Variants in DPP10 observed in about 807,000 individuals in gnomAD.
DPP10 encodes dipeptidyl peptidase like 10.
In DPP10, 33 loss-of-function variants were observed where a neutral mutation model predicts 120.9. The ratio of observed to expected loss-of-function variants is 0.27; its 90% CI spans 0.21 to 0.37. The LOEUF is 0.37. Ranked by LOEUF, DPP10 falls within the 10% of genes least tolerant of loss-of-function variation. The pLI, the probability that DPP10 is intolerant of heterozygous loss-of-function variation, is 1.00. For synonymous variants in DPP10, 337 were observed against 326.1 expected (o/e 1.03, Z -0.36); for missense variants, 816 against 942.8 (o/e 0.87, Z 1.76).
chr2:114,450,296 C>G (rs919504110), intron 1 of DPP10, among the ~76,000 whole-genome samples: 3 of 152,088 alleles, frequency 2.0e-5, no homozygotes, highest in Non-Finnish European at 4.4e-5. Context: ...CCTAGTCAGA[C>G]TGTTATGTTC....
chr2:115,067,440 G>T (rs1162096750), intron 1 of DPP10, among the ~76,000 whole-genome samples: 1 of 151,108 alleles, frequency 6.6e-6, no homozygotes, highest in Non-Finnish European at 1.5e-5. Context: ...TTTTGATAGA[G>T]ACGGGGTTTC....
At chr2:114,800,890 C>T (rs1684133334) in intron 1 of DPP10, among the ~76,000 whole-genome samples, 1 of 151,066 alleles carries the variant, frequency 6.6e-6, no homozygotes, top group Non-Finnish European at 1.5e-5. Flanking sequence ...AGAAAAATCT[C>T]AGGGAAATTT....
chr2:115,542,062 T>A (rs1288914543), intron 5 of DPP10, among the ~76,000 whole-genome samples: 1 of 151,946 alleles, frequency 6.6e-6, no homozygotes, highest in East Asian at 1.9e-4. Flanking sequence ...CATAACATAA[T>A]TCATACAATT....
At chr2:115,354,341 C>T (rs1212034707) in intron 3 of DPP10, among the ~76,000 whole-genome samples, 4 of 152,056 alleles carry the variant, frequency 2.6e-5, no homozygotes, top group African/African-American at 9.7e-5. Flanking sequence ...TCCCTACCCC[C>T]TCTTATTTTC....
intron 5 of DPP10, among the ~76,000 whole-genome samples, chr2:115,635,394 A>G (rs942959899): frequency 6.6e-6 from 1 of 152,152 alleles, no homozygotes; most frequent in Non-Finnish European, 1.5e-5. Flanking sequence ...GTGGTTTCCC[A>G]GGCAGAGTAG....
At chr2:115,242,550 G>A (rs1163175819) in intron 1 of DPP10, among the ~76,000 whole-genome samples, 1 of 152,048 alleles carries the variant, frequency 6.6e-6, no homozygotes, top group Non-Finnish European at 1.5e-5. Flanking sequence ...TGGATCAAAT[G>A]GTAATTCTAC....
intron 1 of DPP10, among the ~76,000 whole-genome samples, chr2:114,823,138 G>A (rs867637974): frequency 1.1e-4 from 17 of 152,240 alleles, no homozygotes; most frequent in African/African-American, 4.1e-4. Context: ...ACCCAAGACT[G>A]GGTAATTTAT....
chr2:115,047,914 G>A (rs1022354811), intron 1 of DPP10, among the ~76,000 whole-genome samples: 1 of 152,034 alleles, frequency 6.6e-6, no homozygotes, highest in Non-Finnish European at 1.5e-5. Context: ...CATTTGTCAT[G>A]AATTGTTCTC....
intron 1 of DPP10, among the ~76,000 whole-genome samples, chr2:114,512,672 G>C (rs1463967248): frequency 6.6e-6 from 1 of 152,196 alleles, no homozygotes; most frequent in African/African-American, 2.4e-5. Context: ...CATATCATGA[G>C]TTACCCAGAG....
chr2:115,355,407 G>GT (rs939483529), intron 3 of DPP10, among the ~76,000 whole-genome samples: 13 of 151,966 alleles, frequency 8.6e-5, no homozygotes, highest in Non-Finnish European at 5.9e-5. Context: ...TGATGGGGTT[G>GT]TTTTTTTCTT....
intron 3 of DPP10, among the ~76,000 whole-genome samples, chr2:115,353,126 A>G (rs2064144139): frequency 1.3e-5 from 2 of 152,138 alleles, no homozygotes; most frequent in Non-Finnish European, 2.9e-5. Context: ...ATTATTTTTT[A>G]AAAACAGATG....
chr2:114,630,374 C>T (rs988423381), intron 1 of DPP10, among the ~76,000 whole-genome samples: 2 of 152,038 alleles, frequency 1.3e-5, no homozygotes, highest in African/African-American at 2.4e-5. Context: ...CAGGATAATA[C>T]TAATAAACTA....
chr2:115,716,529 G>A (rs1475815309), intron 7 of DPP10, among the ~76,000 whole-genome samples: 1 of 152,124 alleles, frequency 6.6e-6, no homozygotes, highest in Non-Finnish European at 1.5e-5. Flanking sequence ...TTGAATTTAA[G>A]TGATTCTCAT....
intron 7 of DPP10, among the ~76,000 whole-genome samples, chr2:115,693,217 T>C (rs535979473): frequency 6.6e-6 from 1 of 152,306 alleles, no homozygotes; most frequent in Non-Finnish European, 1.5e-5. Flanking sequence ...ACTATGATAT[T>C]TCTGAAAAGT....
chr2:115,020,202 A>C (rs111972518), intron 1 of DPP10, among the ~76,000 whole-genome samples: 3 of 152,300 alleles, frequency 2.0e-5, no homozygotes, highest in African/African-American at 7.2e-5. Flanking sequence ...TGTTCCACTT[A>C]AGATACAGAA....
intron 1 of DPP10, among the ~76,000 whole-genome samples, chr2:114,692,167 G>C (rs193028345): frequency 1.3e-5 from 2 of 151,904 alleles, no homozygotes; most frequent in African/African-American, 2.4e-5. Context: ...TCTTTTAGTC[G>C]AGATGTTAGG....
At chr2:115,098,839 G>A (rs2048533743) in intron 1 of DPP10, among the ~76,000 whole-genome samples, 1 of 152,112 alleles carries the variant, frequency 6.6e-6, no homozygotes, top group Non-Finnish European at 1.5e-5. Flanking sequence ...TTTAACTAGT[G>A]CTTCTGAAGA....
intron 3 of DPP10, among the ~76,000 whole-genome samples, chr2:115,475,102 A>G (rs1252631436): frequency 1.3e-5 from 2 of 152,196 alleles, no homozygotes; most frequent in African/African-American, 4.8e-5. Context: ...CCAGTTGCCA[A>G]TAGCCAAGAC....
intron 1 of DPP10, among the ~76,000 whole-genome samples, chr2:114,653,092 G>A (rs899583833): frequency 6.6e-5 from 10 of 150,904 alleles, no homozygotes; most frequent in Non-Finnish European, 1.5e-4. Context: ...ATGGTGACCT[G>A]GTGACCCTCA....
Sources: gnomAD v4.1 joint callset for allele counts (sites outside exome capture counted in the v4.1 genomes callset) on GRCh38, gnomAD v4.1.1 for gene constraint, MANE v1.5 for transcripts, NCBI Gene and HGNC (gene_info 2026-07-23, HGNC 2026-07-21) for gene names.